The following ALG9 variants were observed in gnomAD, a reference collection of about 807,000 sequenced individuals.
ALG9 encodes ALG9 alpha-1,2-mannosyltransferase.
A neutral mutation model predicts 81.8 loss-of-function variants in ALG9; 55 were observed. The observed-to-expected ratio is 0.67, with a 90% CI of 0.54 to 0.84. ALG9 has a LOEUF of 0.84. ALG9 is among the 40% of genes least tolerant of loss of function. The pLI is 0.00. For missense variants in ALG9, 629 were observed against 745.0 expected (o/e 0.84, Z 1.81); for synonymous variants, 278 against 274.3 (o/e 1.01, Z -0.13).
At chr11:111,832,633 C>T (rs1478799406) in intron 13 of ALG9, among the ~76,000 whole-genome samples, 1 of 152,120 alleles carries the variant, frequency 6.6e-6, no homozygotes, top group Admixed American at 6.5e-5. Context: ...TCCGTTTTCC[C>T]AATAAGCTTT....
Position 111,857,616 on chromosome 11 carries a change from G to A in ALG9, c.687C>T (p.Phe229=), listed in dbSNP as rs578191567. 1.9e-6 allele frequency: 3 copies of A among 1,614,138 alleles called. No individual in the cohort carries two copies. The highest frequency in any genetic ancestry group is 1.1e-5 in the South Asian group (1 of 91,086). ...VAAGAILGWP[F]SAALGLPIAF... The stretch of plus-strand genomic sequence containing the variant: ...TAGTTTCTTACCCAAGAGCTGCACT[G>A]AATGGCCAGCCTAAGATAGCCCCAG... The change falls in exon 6 of 15, where the codon TTC becomes TTT. Residue 229 remains phenylalanine (F), a synonymous_variant. Transcript: ENST00000616540.
chr11:111,825,042 G>GA (rs542030445), intron 13 of ALG9, among the ~76,000 whole-genome samples: 4 of 152,186 alleles, frequency 2.6e-5, no homozygotes, highest in South Asian at 4.2e-4. Context: ...ATTTACATTA[G>GA]AAACAAACGA....
In ALG9 at chr11:111,867,104, C is replaced by CCAAA. The variant is rs781802793; in HGVS notation, c.405+1494_405+1497dup. On this transcript the variant is annotated intron_variant, in intron 3 of 14. Coordinates refer to ENST00000616540, the MANE Select transcript of ALG9 (RefSeq NM_024740.2). The stretch of plus-strand genomic sequence containing the variant: ...AGTGAGACTTCGTCTCAAAAACAAA[C>CCAAA]CAAACAAACAAACAAACAAAAAAAT... Among the ~76,000 whole-genome samples, 36 of 152,164 alleles carry CCAAA rather than the reference C, an allele frequency of 2.4e-4. 1 individual carries two copies. The East Asian group carries it at 5.0e-3, about 21-fold the overall frequency.
Position 111,840,232 on chromosome 11 carries a change from G to A in ALG9, c.1173+423C>T, listed in dbSNP as rs898891964. 8.4e-4 allele frequency among the ~76,000 whole-genome samples: 128 copies of A among 152,170 alleles called. 1 individual carries two copies. Among genetic ancestry groups the A allele is most frequent in the Non-Finnish European group, 2.4e-4 (16 of 68,030 alleles). On this transcript the variant is annotated intron_variant, in intron 10 of 14. Coordinates refer to ENST00000616540, the MANE Select transcript of ALG9 (RefSeq NM_024740.2). The stretch of plus-strand genomic sequence containing the variant: ...TACAGAGATATTCAAACAGAGTTAA[G>A]ATGAGCTCTGCCAGAGAATTGACCT...
chr11:111,789,282 C>T (rs1197498280), intron 14 of ALG9, among the ~76,000 whole-genome samples: 1 of 152,030 alleles, frequency 6.6e-6, no homozygotes, highest in Non-Finnish European at 1.5e-5. Flanking sequence ...GACAGGGTCT[C>T]GCTCTGTTGC....
chr11:111,773,549 G>A, the ALG9 span, among the ~76,000 whole-genome samples: 3 of 151,826 alleles, frequency 2.0e-5, no homozygotes, highest in South Asian at 2.1e-4. Context: ...TTTAAGCTAC[G>A]GAAAACCTGA....
At chr11:111,841,492 A>C (rs1956203968) in intron 9 of ALG9, among the ~76,000 whole-genome samples, 1 of 152,244 alleles carries the variant, frequency 6.6e-6, no homozygotes, top group South Asian at 2.1e-4. Flanking sequence ...GAATGTAATG[A>C]ACACTAAAAC....
At chr11:111,830,213 G>A (rs1954108039) in intron 13 of ALG9, among the ~76,000 whole-genome samples, 1 of 152,150 alleles carries the variant, frequency 6.6e-6, no homozygotes, top group South Asian at 2.1e-4. Context: ...ATTGAAATAA[G>A]AACATGGAGG....
intron 14 of ALG9, among the ~76,000 whole-genome samples, chr11:111,787,455 A>T (rs1304964809): frequency 2.0e-5 from 3 of 151,944 alleles, no homozygotes; most frequent in Non-Finnish European, 2.9e-5. Flanking sequence ...TTTTTTAAAA[A>T]TTATTTTATT....
chr11:111,850,523 T>C (rs11214017), intron 8 of ALG9, among the ~76,000 whole-genome samples: 1 of 150,714 alleles, frequency 6.6e-6, no homozygotes, highest in Admixed American at 6.6e-5. Flanking sequence ...CTGGCCAACA[T>C]GGTGAAATCC....
intron 14 of ALG9, chr11:111,798,305 G>T: frequency 5.4e-6 from 1 of 183,974 alleles, no homozygotes; most frequent in South Asian, 7.5e-5. Flanking sequence ...GAGGACAGTG[G>T]GTGGAAAGTG....
chr11:111,814,160 G>A (rs1393324349), intron 13 of ALG9, among the ~76,000 whole-genome samples: 1 of 152,122 alleles, frequency 6.6e-6, no homozygotes, highest in Non-Finnish European at 1.5e-5. Flanking sequence ...TTGTGGTAAA[G>A]TCATACAATG....
At chr11:111,801,174 C>T (rs1949070737) in intron 14 of ALG9, among the ~76,000 whole-genome samples, 1 of 152,206 alleles carries the variant, frequency 6.6e-6, no homozygotes, top group Admixed American at 6.5e-5. Context: ...GACAGAGGAA[C>T]TTTAATTGCT....
rs1955505143 is a variant in ALG9 at position 111,837,491 on chromosome 11, G to A, written c.1449C>T (p.Pro483=). The stretch of plus-strand genomic sequence containing the variant: ...ACTTGTCAGGAAGAAGGAAGCTGCT[G>A]GGAAATCGATACCACTCTTTTCCCA... ...VCVGKEWYRF[P]SSFLLPDNWQ... is the part of the protein sequence containing the mutation. The change falls in exon 12 of 15, where the codon CCC becomes CCT. Residue 483 remains proline (P), a synonymous_variant. Transcript: ENST00000616540. The A allele has an allele frequency of 1.9e-6, 3 of 1,614,166 alleles. No individual in the cohort carries two copies. The highest frequency in any genetic ancestry group is 1.3e-5 in the African/African-American group (1 of 75,052).
chr11:111,834,525 G>A (rs1362356241), intron 13 of ALG9, among the ~76,000 whole-genome samples: 2 of 152,162 alleles, frequency 1.3e-5, no homozygotes, highest in African/African-American at 2.4e-5. Flanking sequence ...CAAAGTAGGT[G>A]CCATTTTACA....
chr11:111,826,191 G>A (rs1470198670), intron 13 of ALG9, among the ~76,000 whole-genome samples: 1 of 150,952 alleles, frequency 6.6e-6, no homozygotes, highest in Non-Finnish European at 1.5e-5. Flanking sequence ...TTTGAGACCA[G>A]CCTGGGCAAC....
intron 14 of ALG9, 102 bp from the exon 15 acceptor site, chr11:111,786,622 A>G (rs1458772561): frequency 1.5e-6 from 2 of 1,315,756 alleles, no homozygotes; most frequent in South Asian, 1.3e-5. Flanking sequence ...AGTAAGGATT[A>G]TATTTTATTC....
At chr11:111,856,276 CAAAAAAAAAAA>C (rs1175162630) in intron 6 of ALG9, among the ~76,000 whole-genome samples, 8 of 38,586 alleles carry the variant, frequency 2.1e-4, no homozygotes, top group Non-Finnish European at 5.1e-4. Flanking sequence ...GACTCCATCT[CAAAAAAAAAAA>C]AAAAAAAAAG....
intron 6 of ALG9, among the ~76,000 whole-genome samples, chr11:111,856,259 A>C (rs1555142972): frequency 6.8e-6 from 1 of 146,476 alleles, no homozygotes; most frequent in Non-Finnish European, 1.5e-5. Flanking sequence ...CCTGGGTGAC[A>C]GAGCAAGACT....
Sources: allele counts gnomAD v4.1 joint callset (sites outside exome capture counted in the v4.1 genomes callset), GRCh38; gene constraint gnomAD v4.1.1; transcripts MANE v1.5; gene names NCBI Gene and HGNC (gene_info 2026-07-23, HGNC 2026-07-21).